Variants in ART3 observed in about 807,000 individuals in gnomAD.
ART3 encodes ecto-ADP-ribosyltransferase 3.
In ART3, 49 loss-of-function variants were observed where a neutral mutation model predicts 48.5. The ratio of observed to expected loss-of-function variants is 1.01; its 90% CI spans 0.80 to 1.28. ART3 has a LOEUF of 1.28. Among genes scored for constraint, ART3 ranks in the 50% most tolerant of loss-of-function variants. The pLI, the probability that ART3 is intolerant of heterozygous loss-of-function variation, is 0.00. For missense variants in ART3, 438 were observed against 454.3 expected (o/e 0.96, Z 0.33); for synonymous variants, 145 against 157.2 (o/e 0.92, Z 0.58).
intron 1 of ART3, among the ~76,000 whole-genome samples, chr4:76,046,201 C>T (rs992233969): frequency 3.3e-5 from 5 of 151,930 alleles, no homozygotes; most frequent in African/African-American, 7.2e-5. Context: ...TAAGTTGGGA[C>T]GTGTGGTCTG....
chr4:76,104,711 A>G (rs1177636682), intron 10 of ART3, 82 bp downstream of exon 10: 4 of 1,472,824 alleles, frequency 2.7e-6, no homozygotes, highest in African/African-American at 1.4e-5. Flanking sequence ...GGGACTTTCT[A>G]TGCCTCATAA....
At position 76,023,484 on chromosome 4, in the gene ART3, T is replaced by C; in HGVS notation, c.-10+12164T>C. On this transcript the variant is annotated intron_variant, in intron 1 of 9. Coordinates refer to the ART3 transcript ENST00000341029. ...GTAGGCTCAGAATATGTCTAAGCAA[T>C]TGAGGAATGTCTCAGAAAACGTGGG... is the stretch of plus-strand genomic sequence containing the variant. 2.7e-6 allele frequency: 4 copies of C among 1,505,130 alleles called. No homozygotes were observed. The South Asian group carries it at 4.5e-5, about 17-fold the overall frequency. 93.2% of individuals were successfully genotyped at this position (1,505,130 alleles called of 1,614,324 possible).
chr4:76,093,111 C>G (rs900208148), intron 3 of ART3, among the ~76,000 whole-genome samples: 4 of 152,094 alleles, frequency 2.6e-5, no homozygotes, highest in African/African-American at 9.7e-5. Context: ...CCTCCTTCAT[C>G]CATCTTCAGT....
At chr4:76,036,082 T>A in intron 1 of ART3, 1 of 1,165,836 alleles carries the variant, frequency 8.6e-7, no homozygotes, top group South Asian at 1.3e-5. Context: ...TGAAAGGAAA[T>A]TGATAATTGG....
At chr4:76,022,512 A>G in intron 1 of ART3, 1 of 1,544,018 alleles carries the variant, frequency 6.5e-7, no homozygotes. Context: ...AATAAAACAG[A>G]TGGCATACGC....
At chr4:76,016,216 CT>C (rs1732242646) in intron 1 of ART3, among the ~76,000 whole-genome samples, 1 of 152,178 alleles carries the variant, frequency 6.6e-6, no homozygotes, top group Non-Finnish European at 1.5e-5. Flanking sequence ...GAAAAGTTTG[CT>C]GCTAGACATA....
At position 76,049,460 on chromosome 4, in the gene ART3, C is replaced by T. The variant is rs533132902; in HGVS notation, c.-9-26421C>T. ...CATGGCTTTCCTCTCTGTCGACCCT[C>T]GGCTCAGCCCAGAAGTACAGGAAAA... On this transcript the variant is annotated intron_variant, in intron 1 of 9. Coordinates refer to the ART3 transcript ENST00000341029. Among the ~76,000 whole-genome samples, 66 of 151,904 alleles carry T rather than the reference C, an allele frequency of 4.3e-4. 1 individual carries two copies. The highest frequency in any genetic ancestry group is 1.4e-3 in the African/African-American group (58 of 41,460).
intron 1 of ART3, among the ~76,000 whole-genome samples, chr4:76,029,135 T>G (rs1733661946): frequency 6.6e-6 from 1 of 152,210 alleles, no homozygotes; most frequent in South Asian, 2.1e-4. Flanking sequence ...TTTAATTGAT[T>G]CATCATTGGT....
chr4:76,046,551 A>G (rs1210960097), intron 1 of ART3, among the ~76,000 whole-genome samples: 2 of 151,950 alleles, frequency 1.3e-5, no homozygotes. Flanking sequence ...TGCCTTTGAT[A>G]CGGAAAAGTG....
intron 8 of ART3, among the ~76,000 whole-genome samples, chr4:76,102,380 AGCATGGGTGACT>A (rs1394593112): frequency 6.6e-6 from 1 of 152,200 alleles, no homozygotes; most frequent in Non-Finnish European, 1.5e-5. Context: ...GTGGAACTTT[AGCATGGGTGACT>A]CCATTTCGAT....
chr4:76,112,150 T>TTG (rs1323147911), intron 11 of ART3, among the ~76,000 whole-genome samples: 1 of 152,250 alleles, frequency 6.6e-6, no homozygotes, highest in Non-Finnish European at 1.5e-5. Context: ...TAGGTTTTCA[T>TTG]TGTGTGGGGG....
intron 1 of ART3, among the ~76,000 whole-genome samples, chr4:76,067,246 T>C (rs899911089): frequency 6.6e-6 from 1 of 152,252 alleles, no homozygotes; most frequent in South Asian, 2.1e-4. Flanking sequence ...GTTGTCATGA[T>C]AGAATTCCTA....
intron 9 of ART3, chr4:76,104,240 C>A: frequency 1.6e-6 from 1 of 634,596 alleles, no homozygotes; most frequent in Non-Finnish European, 2.0e-6. Context: ...CTGGATGCAT[C>A]AGTCCAACAC....
intron 1 of ART3, chr4:76,035,470 T>G: frequency 1.1e-6 from 1 of 877,810 alleles, no homozygotes; most frequent in Non-Finnish European, 1.7e-6. Flanking sequence ...AAATAGCACT[T>G]AACACAACTG....
upstream of ART3, among the ~76,000 whole-genome samples, chr4:76,072,568 T>G (rs1720427808): frequency 6.6e-6 from 1 of 151,876 alleles, no homozygotes; most frequent in African/African-American, 2.4e-5. Flanking sequence ...TCATTTAGTC[T>G]TCTTACATTC....
At chr4:76,092,911 T>C (rs1448691326) in intron 3 of ART3, among the ~76,000 whole-genome samples, 1 of 152,232 alleles carries the variant, frequency 6.6e-6, no homozygotes, top group South Asian at 2.1e-4. Context: ...TTACCACAAA[T>C]TTAATGGTTT....
rs368425547 is a variant in ART3, at chr4:76,031,409, A to G, written c.-10+20089A>G. Among the ~76,000 whole-genome samples the G allele has an allele frequency of 2.5e-4, 38 of 152,346 alleles. No homozygotes were observed. The South Asian group carries it at 7.7e-3, about 31-fold the overall frequency. ...ATGAGAATGCCTTGAAGTTTTGGAA[A>G]TACAGACCTGAGATATTGCAGCTAT... On this transcript the variant is annotated intron_variant, in intron 1 of 9. Transcript: ENST00000341029.
intron 3 of ART3, among the ~76,000 whole-genome samples, chr4:76,093,637 T>C (rs1042230693): frequency 5.3e-5 from 8 of 152,240 alleles, no homozygotes. Flanking sequence ...TCTTTTGCCA[T>C]GTAAAATAAC....
intron 1 of ART3, among the ~76,000 whole-genome samples, chr4:76,051,424 A>G (rs1480842551): frequency 6.6e-6 from 1 of 152,178 alleles, no homozygotes; most frequent in African/African-American, 2.4e-5. Flanking sequence ...GGCACTGGGT[A>G]AGGCTCTATT....
Sources: allele counts gnomAD v4.1 joint callset (sites outside exome capture counted in the v4.1 genomes callset), GRCh38; gene constraint gnomAD v4.1.1; transcripts MANE v1.5; gene names NCBI Gene and HGNC (gene_info 2026-07-23, HGNC 2026-07-21).